The following SPTA1 variants were observed in gnomAD, a reference collection of about 807,000 sequenced individuals.
The protein encoded by SPTA1 is spectrin alpha chain, erythrocytic 1.
In SPTA1, 177 loss-of-function variants were observed where a neutral mutation model predicts 324.7. That is an observed-to-expected ratio of 0.55 (90% CI 0.48 to 0.62). The LOEUF is 0.62. SPTA1 is among the 20% of genes least tolerant of loss of function. The pLI, the probability that SPTA1 is intolerant of heterozygous loss-of-function variation, is 0.00. For missense variants in SPTA1, 3,162 were observed against 2,883.6 expected (o/e 1.10, Z -2.21); for synonymous variants, 1,195 against 1,041.3 (o/e 1.15, Z -2.84).
Position 158,683,379 on chromosome 1 carries a change from C to T in SPTA1, c.382G>A (p.Glu128Lys), listed in dbSNP as rs1654945128. The change falls in exon 3 of 52, where the codon GAA (glutamate) becomes AAA (lysine). Residue 128 changes from glutamate to lysine, a missense_variant. Coordinates refer to ENST00000643759, the MANE Select transcript of SPTA1 (RefSeq NM_003126.4). Reference protein sequence around the residue: ...RFTMGHSAHEETKAHIEELRH... With the variant: ...RFTMGHSAHEKTKAHIEELRH... ...AGGGCCCATACATATACCTTCGTTT[C>T]TTCGTGGGCAGAATGACCCATGGTA... 1 of 1,613,242 alleles carries T rather than the reference C, an allele frequency of 6.2e-7. No individual in the cohort carries two copies. Among genetic ancestry groups the T allele is most frequent in the Non-Finnish European group, 8.5e-7 (1 of 1,179,392 alleles).
intron 16 of SPTA1, among the ~76,000 whole-genome samples, chr1:158,663,551 A>C (rs1218308796): frequency 6.6e-6 from 1 of 152,226 alleles, no homozygotes; most frequent in Non-Finnish European, 1.5e-5. Flanking sequence ...CCTAGAAATC[A>C]AATTTTAGTT....
intron 11 of SPTA1, 96 bp from the exon 12 acceptor site, chr1:158,671,549 A>G: frequency 1.1e-6 from 1 of 952,072 alleles, no homozygotes; most frequent in Non-Finnish European, 1.7e-6. Flanking sequence ...GCAGGAGGGA[A>G]CAAGGTGGGA....
rs767454273 is a variant in SPTA1, at chr1:158,612,844, T to C, written c.7107A>G (p.Ser2369=). ...NAFQALAEGK[S]YITKEDMKQA... ...GCTTCATGTCTTCTTTGGTAATATATGACTTGCCCTCTGCCAGGGCTTGGA... is the reference window on the plus strand; with the variant it reads ...GCTTCATGTCTTCTTTGGTAATATACGACTTGCCCTCTGCCAGGGCTTGGA... The change falls in exon 51 of 52, where the codon TCA becomes TCG. Residue 2369 remains serine (S), a synonymous_variant. Coordinates refer to ENST00000643759, the MANE Select transcript of SPTA1 (RefSeq NM_003126.4). 18 of 1,613,966 alleles carry C rather than the reference T, an allele frequency of 1.1e-5. No homozygotes were observed. Among genetic ancestry groups the C allele is most frequent in the South Asian group, 5.5e-5 (5 of 91,082 alleles).
intron 42 of SPTA1, among the ~76,000 whole-genome samples, chr1:158,623,413 T>C (rs1650049954): frequency 6.6e-6 from 1 of 152,226 alleles, no homozygotes; most frequent in South Asian, 2.1e-4. Flanking sequence ...ATAAAATTAA[T>C]TGATATGGTT....
chr1:158,648,520 G>A lies in SPTA1; in HGVS notation c.3703C>T (p.Leu1235=), dbSNP rs1345925946. 6.2e-7 allele frequency: 1 copy of A among 1,613,920 alleles called. No homozygotes were observed. The highest frequency in any genetic ancestry group is 1.7e-5 in the Admixed American group (1 of 59,988). ...HEGFERDLVP[L]GDKVTILGET... is the part of the protein sequence containing the mutation. Reference sequence around the variant, plus strand: ...AGGACTTGTCTCACCTTATCTCCCAGGGGTACGAGGTCCCTTTCAAAGCCC... The same window carrying A: ...AGGACTTGTCTCACCTTATCTCCCAAGGGTACGAGGTCCCTTTCAAAGCCC... The change falls in exon 26 of 52, where the codon CTG becomes TTG. Residue 1235 remains leucine, a synonymous_variant. Transcript: ENST00000643759.
In SPTA1 at chr1:158,671,570, A is replaced by G. The variant is rs1197097760; in HGVS notation, c.1489-117T>C. Reference sequence around the variant, plus strand: ...GGGAACAAGGTGGGAATTAGCACACATTATGATAATGGGTAGAAATTAACT... The same window carrying G: ...GGGAACAAGGTGGGAATTAGCACACGTTATGATAATGGGTAGAAATTAACT... On this transcript the variant is annotated intron_variant, in intron 11 of 51. Transcript: ENST00000643759. 3.9e-6 allele frequency: 3 copies of G among 768,672 alleles called. No individual in the cohort carries two copies. The South Asian group carries it at 4.4e-5, about 11-fold the overall frequency. The allele number at this position is 768,672 out of a possible 1,614,324, so 47.6% of individuals were successfully genotyped here.
intron 39 of SPTA1, among the ~76,000 whole-genome samples, chr1:158,631,274 G>T (rs1650655385): frequency 6.6e-6 from 1 of 152,182 alleles, no homozygotes; most frequent in Non-Finnish European, 1.5e-5. Flanking sequence ...ATAGTACTCA[G>T]CCATGAAACA....
chr1:158,629,117 C>G (rs1650496016), intron 39 of SPTA1, among the ~76,000 whole-genome samples: 1 of 147,048 alleles, frequency 6.8e-6, no homozygotes, highest in African/African-American at 2.6e-5. Flanking sequence ...ATAATTCTCT[C>G]AATAGATAGA....
chr1:158,654,845 A>G, intron 20 of SPTA1, 97 bp from the exon 21 acceptor site: 1 of 1,558,424 alleles, frequency 6.4e-7, no homozygotes. Context: ...TCCCAGGAGA[A>G]AAGAGCCTCT....
chr1:158,620,504 A>T, intron 43 of SPTA1, 38 bp from the exon 44 acceptor site: 1 of 1,611,266 alleles, frequency 6.2e-7, no homozygotes, highest in Non-Finnish European at 8.5e-7. Flanking sequence ...ATCTTTCCTG[A>T]TAAAGCCTCT....
At position 158,612,955 on chromosome 1, in the gene SPTA1, G is replaced by A. The variant is rs552346683; in HGVS notation, c.6996C>T (p.Gly2332=). ...CAGTATAGTCCTCCAGTGAGACATA[G>A]CCCTTCCTGTGGGAGAAATGGATCA... is the stretch of plus-strand genomic sequence containing the variant. ...FLDAVDPGRK[G]YVSLEDYTAF... Residue 2332 remains glycine (G), a synonymous_variant, in exon 51 of 52, where the codon GGC becomes GGT. Transcript: ENST00000643759. The A allele has an allele frequency of 2.5e-6, 4 of 1,613,810 alleles. No individual in the cohort carries two copies. The African/African-American group carries it at 4.0e-5, about 16-fold the overall frequency.
At chr1:158,665,841 G>A (rs1175475357) in intron 16 of SPTA1, among the ~76,000 whole-genome samples, 2 of 151,616 alleles carry the variant, frequency 1.3e-5, no homozygotes, top group Non-Finnish European at 2.9e-5. Context: ...TTATTTTATA[G>A]GTGAGGATAG....
chr1:158,662,761 G>A lies in SPTA1; in HGVS notation c.2405C>T (p.Thr802Ile), dbSNP rs1418328987. The A allele has an allele frequency of 1.9e-6, 3 of 1,614,026 alleles. No individual in the cohort carries two copies. The highest frequency in any genetic ancestry group is 8.5e-7 in the Non-Finnish European group (1 of 1,179,978). ...LLHLQLICRDTEDEEAWIQET... is the reference protein window; with the variant it reads ...LLHLQLICRDIEDEEAWIQET... ...TTGGATCCAGGCCTCCTCATCCTCTGTGTCTCTACAAATCAGCTGCAGATG... is the reference window on the plus strand; with the variant it reads ...TTGGATCCAGGCCTCCTCATCCTCTATGTCTCTACAAATCAGCTGCAGATG... Residue 802 changes from threonine (T) to isoleucine (I), a missense_variant, in exon 17 of 52, where the codon ACA (threonine) becomes ATA (isoleucine). By Grantham distance (89) the Thr-to-Ile change is moderately conservative (BLOSUM62 -1). Transcript: ENST00000643759.
intron 32 of SPTA1, 78 bp downstream of exon 32, chr1:158,642,736 A>C (rs1441701423): frequency 1.2e-6 from 2 of 1,607,986 alleles, no homozygotes; most frequent in Non-Finnish European, 8.5e-7. Flanking sequence ...AGAAAGTGTT[A>C]AAGTATCAAG....
chr1:158,658,343 G>A (rs989746005), intron 18 of SPTA1, among the ~76,000 whole-genome samples: 1 of 152,156 alleles, frequency 6.6e-6, no homozygotes, highest in Non-Finnish European at 1.5e-5. Flanking sequence ...GTGTTACAGA[G>A]AGATAGACCT....
chr1:158,619,409 C>T, intron 44 of SPTA1, 75 bp from the exon 45 acceptor site: 6 of 1,380,974 alleles, frequency 4.3e-6, no homozygotes, highest in Non-Finnish European at 6.2e-6. Flanking sequence ...GGTTTGTAGG[C>T]TTAACTGCAT....
At chr1:158,683,250 G>A in intron 3 of SPTA1, 121 bp downstream of exon 3, 2 of 1,409,302 alleles carry the variant, frequency 1.4e-6, no homozygotes, top group East Asian at 2.3e-5. Context: ...CCCAGGGGAA[G>A]ATAAGAGGCA....
At chr1:158,615,687 TTCTATCTATCA>T (rs370543980) in intron 47 of SPTA1, among the ~76,000 whole-genome samples, 11 of 143,598 alleles carry the variant, frequency 7.7e-5, no homozygotes, top group East Asian at 2.1e-4. Context: ...TATATATTCT[TTCTATCTATCA>T]TCTATCTATC....
chr1:158,653,331 T>C lies in SPTA1; in HGVS notation c.3131A>G (p.Gln1044Arg). 1.2e-6 allele frequency: 2 copies of C among 1,614,152 alleles called. No homozygotes were observed. Among genetic ancestry groups the C allele is most frequent in the Non-Finnish European group, 1.7e-6 (2 of 1,180,022 alleles). Residue 1044 changes from glutamine to arginine, a missense_variant, in exon 22 of 52, where the codon CAG (glutamine) becomes CGG (arginine). Gln to Arg is a conservative substitution (Grantham distance 43). Transcript: ENST00000643759. ...LAHDEFPMLP[Q>R]RRREEPGNIT... ...GTTTCCTGGCTCTTCTCGTCGCCGC[T>C]GTGGGAGCATCGGGAACTCATCGTG...
Sources: allele counts gnomAD v4.1 joint callset (sites outside exome capture counted in the v4.1 genomes callset), GRCh38; gene constraint gnomAD v4.1.1; transcripts MANE v1.5; gene names NCBI Gene and HGNC (gene_info 2026-07-23, HGNC 2026-07-21).